Variants in CCDC148 observed in about 807,000 individuals in gnomAD.
The protein encoded by CCDC148 is coiled-coil domain containing 148.
Under a neutral mutation model 85.7 loss-of-function variants are expected in CCDC148, and 89 were observed. The observed-to-expected ratio is 1.04, with a 90% CI of 0.87 to 1.24. The LOEUF (loss-of-function observed/expected upper bound fraction) is 1.24. CCDC148 is among the 50% of genes most tolerant of loss of function. The probability of loss-of-function intolerance (pLI) is 0.00; values close to 1 mark genes in which losing one functional copy is unlikely to be tolerated. For synonymous variants in CCDC148, 230 were observed against 213.9 expected (o/e 1.08, Z -0.66); for missense variants, 692 against 671.7 (o/e 1.03, Z -0.33).
chr2:158,347,801 C>T (rs13409753), intron 2 of CCDC148, among the ~76,000 whole-genome samples: 26,553 of 151,968 alleles, frequency 0.17, 3,571 homozygotes, highest in African/African-American at 0.38. Flanking sequence ...CCACTGGTTA[C>T]ATGTATGTAT....
intron 8 of CCDC148, among the ~76,000 whole-genome samples, chr2:158,311,909 T>C (rs776336431): frequency 1.3e-5 from 2 of 152,128 alleles, no homozygotes; most frequent in Non-Finnish European, 2.9e-5. Context: ...ATTAGCAGTC[T>C]TGAGGGAAGA....
At chr2:158,410,903 C>A (rs941724610) in intron 1 of CCDC148, among the ~76,000 whole-genome samples, 1 of 151,894 alleles carries the variant, frequency 6.6e-6, no homozygotes, top group Non-Finnish European at 1.5e-5. Context: ...TGGTGACAAA[C>A]CCTTCAGTTT....
chr2:158,221,296 G>A (rs1302495996), intron 10 of CCDC148, among the ~76,000 whole-genome samples: 1 of 152,130 alleles, frequency 6.6e-6, no homozygotes, highest in African/African-American at 2.4e-5. Flanking sequence ...AGCTTATCAA[G>A]TGCAAAAAGG....
At chr2:158,230,490 T>C (rs2105312308) in intron 10 of CCDC148, among the ~76,000 whole-genome samples, 1 of 152,130 alleles carries the variant, frequency 6.6e-6, no homozygotes, top group East Asian at 1.9e-4. Flanking sequence ...CTCGCATATG[T>C]TGAGAACTGG....
chr2:158,268,387 C>G (rs1367874427), intron 9 of CCDC148, among the ~76,000 whole-genome samples: 1 of 152,088 alleles, frequency 6.6e-6, no homozygotes, highest in African/African-American at 2.4e-5. Context: ...TCTTTATTAG[C>G]TGATAAATCA....
chr2:158,301,918 T>C (rs1383015706), intron 9 of CCDC148, among the ~76,000 whole-genome samples: 1 of 152,184 alleles, frequency 6.6e-6, no homozygotes, highest in Non-Finnish European at 1.5e-5. Flanking sequence ...TGATTTCAAA[T>C]GAAAGAGTAG....
chr2:158,217,310 GTA>G (rs201318722), intron 11 of CCDC148, among the ~76,000 whole-genome samples: 25 of 109,656 alleles, frequency 2.3e-4, no homozygotes, highest in African/African-American at 7.1e-4. Context: ...ATTTATGTAG[GTA>G]TATATATATA....
chr2:158,414,385 A>T (rs1686398486), intron 1 of CCDC148, among the ~76,000 whole-genome samples: 1 of 152,216 alleles, frequency 6.6e-6, no homozygotes, highest in South Asian at 2.1e-4. Flanking sequence ...ATCAGATAGG[A>T]TCAGAGCTTA....
At chr2:158,283,764 T>A (rs1178880077) in intron 9 of CCDC148, among the ~76,000 whole-genome samples, 1 of 151,892 alleles carries the variant, frequency 6.6e-6, no homozygotes, top group African/African-American at 2.4e-5. Flanking sequence ...GACCCAGCCA[T>A]CCCATTACTA....
At chr2:158,432,223 A>C (rs563772193) in intron 1 of CCDC148, among the ~76,000 whole-genome samples, 95 of 151,040 alleles carry the variant, frequency 6.3e-4, no homozygotes, top group Middle Eastern at 3.4e-3. Flanking sequence ...ATTAAAAAAA[A>C]GATGATGAAA....
At chr2:158,204,721 C>G (rs1402411120) in intron 11 of CCDC148, among the ~76,000 whole-genome samples, 1 of 143,270 alleles carries the variant, frequency 7.0e-6, no homozygotes, top group Non-Finnish European at 1.6e-5. Flanking sequence ...TGTCAAAATA[C>G]TTGACTCTGT....
At chr2:158,339,639 G>A (rs1338608189) in intron 5 of CCDC148, among the ~76,000 whole-genome samples, 2 of 152,112 alleles carry the variant, frequency 1.3e-5, no homozygotes, top group Non-Finnish European at 2.9e-5. Flanking sequence ...AAAATAGGGT[G>A]GTGTGATAGG....
chr2:158,288,053 C>T (rs930699930), intron 9 of CCDC148, among the ~76,000 whole-genome samples: 3 of 152,160 alleles, frequency 2.0e-5, no homozygotes, highest in African/African-American at 7.2e-5. Context: ...GGGCTTGCAC[C>T]CTCTGTAGCC....
chr2:158,281,636 C>T (rs893171848), intron 9 of CCDC148, among the ~76,000 whole-genome samples: 8 of 152,122 alleles, frequency 5.3e-5, no homozygotes, highest in Admixed American at 3.3e-4. Flanking sequence ...CAATAATCAA[C>T]AGCTTACCAA....
At chr2:158,285,570 G>C (rs966409103) in intron 9 of CCDC148, among the ~76,000 whole-genome samples, 1 of 147,460 alleles carries the variant, frequency 6.8e-6, no homozygotes, top group Non-Finnish European at 1.5e-5. Flanking sequence ...TTGCTCTGTC[G>C]CCCAGGCTGG....
intron 6 of CCDC148, 34 bp from the exon 7 acceptor site, chr2:158,338,941 T>C (rs1347923203): frequency 1.9e-6 from 3 of 1,600,362 alleles, no homozygotes; most frequent in Non-Finnish European, 2.6e-6. Flanking sequence ...TTATTTAACA[T>C]AAACGACAAA....
At chr2:158,390,189 A>C (rs1328403237) in intron 1 of CCDC148, among the ~76,000 whole-genome samples, 1 of 152,174 alleles carries the variant, frequency 6.6e-6, no homozygotes, top group Non-Finnish European at 1.5e-5. Context: ...TGGTTTATAT[A>C]ATCTTGAAAC....
intron 1 of CCDC148, among the ~76,000 whole-genome samples, chr2:158,406,633 T>TC (rs1559124713): frequency 2.8e-5 from 4 of 140,838 alleles, no homozygotes; most frequent in Admixed American, 7.0e-5. Flanking sequence ...TTTTTTTTTT[T>TC]TTTTTTTGAG....
intron 10 of CCDC148, among the ~76,000 whole-genome samples, chr2:158,224,815 G>A (rs1476957874): frequency 6.6e-6 from 1 of 152,146 alleles, no homozygotes; most frequent in African/African-American, 2.4e-5. Flanking sequence ...ACTAAACATG[G>A]AAAGGAACAA....
Sources: gnomAD v4.1 joint callset for allele counts (sites outside exome capture counted in the v4.1 genomes callset) on GRCh38, gnomAD v4.1.1 for gene constraint, MANE v1.5 for transcripts, NCBI Gene and HGNC (gene_info 2026-07-23, HGNC 2026-07-21) for gene names.